The following TRAPPC9 variants were observed in gnomAD, a reference collection of about 807,000 sequenced individuals.
TRAPPC9 encodes IKK2 binding protein.
A neutral mutation model predicts 124.0 loss-of-function variants in TRAPPC9; 83 were observed. That is an observed-to-expected ratio of 0.67 (90% CI 0.56 to 0.80). The LOEUF (loss-of-function observed/expected upper bound fraction) is 0.80, where lower values mean the gene tolerates loss of function less well. TRAPPC9 is among the 30% of genes least tolerant of loss of function. The pLI is 0.00. For missense variants in TRAPPC9, 1,302 were observed against 1,508.3 expected (o/e 0.86, Z 2.27); for synonymous variants, 638 against 617.5 (o/e 1.03, Z -0.49).
intron 17 of TRAPPC9, among the ~76,000 whole-genome samples, chr8:140,199,887 C>T (rs1478235032): frequency 6.6e-6 from 1 of 151,874 alleles, no homozygotes; most frequent in Non-Finnish European, 1.5e-5. Context: ...GACTGAAAAC[C>T]ATAGGGCTAA....
At chr8:140,019,542 C>CTTTTTTTTTTTTTTTTTTTTTTTTTT (rs71320340) in intron 18 of TRAPPC9, among the ~76,000 whole-genome samples, 2 of 43,840 alleles carry the variant, frequency 4.6e-5, no homozygotes, top group Non-Finnish European at 8.2e-5. Context: ...TAATTTGTGT[C>CTTTTTTTTTTTTTTTTTTTTTTTTTT]TTTTTTTTTT....
At chr8:140,377,044 G>T (rs1563983747) in intron 7 of TRAPPC9, among the ~76,000 whole-genome samples, 1 of 152,256 alleles carries the variant, frequency 6.6e-6, no homozygotes, top group African/African-American at 2.4e-5. Flanking sequence ...CAGTGCCCTT[G>T]TTGAGTGCAC....
intron 9 of TRAPPC9, among the ~76,000 whole-genome samples, chr8:140,326,754 G>A (rs1297847663): frequency 1.3e-5 from 2 of 152,136 alleles, no homozygotes; most frequent in African/African-American, 4.8e-5. Flanking sequence ...AATGGCATGT[G>A]CCTGTAGTCC....
At chr8:139,893,877 C>A (rs1830501747) in intron 20 of TRAPPC9, among the ~76,000 whole-genome samples, 1 of 152,224 alleles carries the variant, frequency 6.6e-6, no homozygotes, top group Non-Finnish European at 1.5e-5. Flanking sequence ...GATGCTAGCC[C>A]CAACCTGGGA....
chr8:140,251,743 T>C (rs899975776), intron 16 of TRAPPC9, among the ~76,000 whole-genome samples: 1 of 152,098 alleles, frequency 6.6e-6, no homozygotes, highest in Admixed American at 6.6e-5. Flanking sequence ...ATGAGTGCCC[T>C]TGTAAGAAGG....
intron 1 of TRAPPC9, among the ~76,000 whole-genome samples, chr8:140,456,014 A>AG (rs1455421527): frequency 1.3e-5 from 2 of 152,080 alleles, no homozygotes; most frequent in African/African-American, 4.8e-5. Flanking sequence ...GGGCTGTCGG[A>AG]GGGGGGAATG....
chr8:140,427,247 CA>C (rs1414988720), intron 4 of TRAPPC9, among the ~76,000 whole-genome samples: 1 of 151,950 alleles, frequency 6.6e-6, no homozygotes, highest in African/African-American at 2.4e-5. Flanking sequence ...ACAAATAAGC[CA>C]AGTGACAAAG....
intron 11 of TRAPPC9, among the ~76,000 whole-genome samples, chr8:140,297,342 ATG>A (rs1381107864): frequency 4.4e-5 from 5 of 113,142 alleles, no homozygotes; most frequent in African/African-American, 1.5e-4. Flanking sequence ...ATACACACAC[ATG>A]CATAGACACA....
intron 9 of TRAPPC9, among the ~76,000 whole-genome samples, chr8:140,327,674 A>T (rs557726178): frequency 6.6e-5 from 10 of 152,274 alleles, no homozygotes; most frequent in Non-Finnish European, 1.3e-4. Context: ...CAAATATTGT[A>T]TGACTCCACT....
At chr8:139,756,312 G>A (rs1480989086) in intron 21 of TRAPPC9, among the ~76,000 whole-genome samples, 1 of 145,026 alleles carries the variant, frequency 6.9e-6, no homozygotes, top group Non-Finnish European at 1.5e-5. Context: ...GAGGAGCCAG[G>A]GATTGGGGAT....
chr8:140,185,674 G>A (rs549475717), intron 17 of TRAPPC9, among the ~76,000 whole-genome samples: 1 of 152,314 alleles, frequency 6.6e-6, no homozygotes, highest in East Asian at 1.9e-4. Context: ...AGGACCAGGG[G>A]AAGCCTCCAC....
rs1056907526 is a variant in TRAPPC9 at position 140,378,177 on chromosome 8, C to A, written c.1135-6997G>T. On this transcript the variant is annotated intron_variant, in intron 7 of 22. Coordinates refer to ENST00000438773, the MANE Select transcript of TRAPPC9 (RefSeq NM_001160372.4). ...TATACCAGGACAACTTTAAACTAAA[C>A]CCTCTTTGGATTGGTTTTGTTTCCT... is the stretch of plus-strand genomic sequence containing the variant. Among the ~76,000 whole-genome samples the A allele has an allele frequency of 3.3e-5, 5 of 152,108 alleles. No individual in the cohort carries two copies. The East Asian group carries it at 9.6e-4, about 29-fold the overall frequency.
At chr8:139,846,045 G>A (rs1483155322) in intron 21 of TRAPPC9, among the ~76,000 whole-genome samples, 1 of 152,250 alleles carries the variant, frequency 6.6e-6, no homozygotes, top group Non-Finnish European at 1.5e-5. Context: ...GGAAGAGGTG[G>A]GTGCCGCAAG....
intron 21 of TRAPPC9, among the ~76,000 whole-genome samples, chr8:139,757,193 G>T (rs1457914340): frequency 2.6e-4 from 27 of 102,772 alleles, no homozygotes; most frequent in East Asian, 6.8e-4. Flanking sequence ...GGACAGCAGG[G>T]TGCAGGAGGA....
chr8:139,762,989 G>C (rs950702630), intron 21 of TRAPPC9, among the ~76,000 whole-genome samples: 21 of 152,232 alleles, frequency 1.4e-4, no homozygotes, highest in Admixed American at 1.4e-3. Flanking sequence ...TGCAGCCGGG[G>C]CAGGGCCAGT....
At chr8:140,330,374 G>T (rs1242389504) in intron 9 of TRAPPC9, among the ~76,000 whole-genome samples, 1 of 152,206 alleles carries the variant, frequency 6.6e-6, no homozygotes, top group African/African-American at 2.4e-5. Context: ...GATCTGTCAT[G>T]TAACAAGAAA....
At chr8:140,427,074 C>A (rs979024473) in intron 4 of TRAPPC9, among the ~76,000 whole-genome samples, 3 of 149,800 alleles carry the variant, frequency 2.0e-5, no homozygotes, top group African/African-American at 2.5e-5. Context: ...TACAGGCGTG[C>A]GCCACCACGA....
At chr8:139,942,247 T>C (rs1424067871) in intron 19 of TRAPPC9, among the ~76,000 whole-genome samples, 1 of 152,156 alleles carries the variant, frequency 6.6e-6, no homozygotes, top group African/African-American at 2.4e-5. Context: ...GCACGAGGGT[T>C]CTCCCTCATT....
At chr8:139,837,278 C>A (rs1007415603) in intron 21 of TRAPPC9, among the ~76,000 whole-genome samples, 1 of 152,118 alleles carries the variant, frequency 6.6e-6, no homozygotes, top group African/African-American at 2.4e-5. Context: ...GACACCCTGT[C>A]GAGGCAGCAC....
Sources: gnomAD v4.1 joint callset for allele counts (sites outside exome capture counted in the v4.1 genomes callset) on GRCh38, gnomAD v4.1.1 for gene constraint, MANE v1.5 for transcripts, NCBI Gene and HGNC (gene_info 2026-07-23, HGNC 2026-07-21) for gene names.